PDE4D: variants seen among roughly 807,000 people sequenced by gnomAD.
PDE4D encodes the protein phosphodiesterase 4D.
In PDE4D, 24 loss-of-function variants were observed where a neutral mutation model predicts 87.4. The observed-to-expected ratio is 0.27, with a 90% CI of 0.20 to 0.39. PDE4D has a LOEUF of 0.39. PDE4D is among the 10% of genes least tolerant of loss of function. PDE4D has a pLI of 1.00. For synonymous variants in PDE4D, 384 were observed against 383.2 expected, an observed-to-expected ratio of 1.00 and a Z score of -0.02; for missense variants, 714 against 1,041.0, an observed-to-expected ratio of 0.69 and a Z score of 4.32.
rs148533821 is a variant in PDE4D at position 59,556,400 on chromosome 5, A to T, written c.455+336768T>A. Among the ~76,000 whole-genome samples the T allele has an allele frequency of 4.2e-3, 639 of 152,304 alleles. 9 individuals are homozygous for T. Among genetic ancestry groups the T allele is most frequent in the African/African-American group, 0.015 (603 of 41,578 alleles). ...GCAACCCTAAGAGACACACACATTT[A>T]GTACTGAAATATTAGAGTGGAGAGA... On this transcript the variant is annotated intron_variant, in intron 1 of 14. Coordinates refer to ENST00000340635, the MANE Select transcript of PDE4D (RefSeq NM_001104631.2).
chr5:60,302,323 C>T (rs931367224), intron 1 of PDE4D, among the ~76,000 whole-genome samples: 2 of 152,056 alleles, frequency 1.3e-5, no homozygotes, highest in African/African-American at 2.4e-5. Flanking sequence ...TAGTAGGTTA[C>T]TTACTACTGT....
At chr5:59,617,223 T>C (rs298016) in intron 1 of PDE4D, among the ~76,000 whole-genome samples, 131,148 of 151,718 alleles carry the variant, frequency 0.86, 56,739 homozygotes, top group South Asian at 0.93. Flanking sequence ...TCCTCCATCT[T>C]CAACCTTGAA....
intron 6 of PDE4D, among the ~76,000 whole-genome samples, chr5:59,016,510 A>G (rs1354365240): frequency 6.6e-6 from 1 of 151,226 alleles, no homozygotes; most frequent in Non-Finnish European, 1.5e-5. Flanking sequence ...ATTTCCTAGA[A>G]TGTGTTGTAA....
intron 5 of PDE4D, among the ~76,000 whole-genome samples, chr5:59,068,698 A>G (rs927288993): frequency 6.6e-5 from 10 of 152,194 alleles, no homozygotes; most frequent in African/African-American, 2.4e-4. Context: ...TCAATAGGTA[A>G]TGTAGTTTTT....
chr5:59,718,113 A>G (rs1755286268), intron 1 of PDE4D, among the ~76,000 whole-genome samples: 1 of 152,094 alleles, frequency 6.6e-6, no homozygotes, highest in South Asian at 2.1e-4. Context: ...CTCCAATTAC[A>G]CTATTCCCAG....
At chr5:60,060,926 T>C (rs1387195481) in intron 2 of PDE4D, among the ~76,000 whole-genome samples, 1 of 152,076 alleles carries the variant, frequency 6.6e-6, no homozygotes, top group Admixed American at 6.6e-5. Context: ...TGATGGAACA[T>C]TTCCCAAAGT....
chr5:60,316,787 T>G (rs1755649854), intron 1 of PDE4D, among the ~76,000 whole-genome samples: 1 of 152,210 alleles, frequency 6.6e-6, no homozygotes, highest in African/African-American at 2.4e-5. Context: ...TGCTGGATTA[T>G]GTTTACTGAT....
At chr5:59,590,162 TAGAA>T (rs1033067888) in intron 1 of PDE4D, among the ~76,000 whole-genome samples, 4 of 152,186 alleles carry the variant, frequency 2.6e-5, no homozygotes, top group Non-Finnish European at 4.4e-5. Context: ...CCATTTATAT[TAGAA>T]AGAGGGTCTT....
At chr5:60,069,622 T>C (rs1181711495) in intron 2 of PDE4D, among the ~76,000 whole-genome samples, 1 of 152,182 alleles carries the variant, frequency 6.6e-6, no homozygotes. Context: ...GGAAATGTGA[T>C]GTCTCTAGCT....
intron 1 of PDE4D, among the ~76,000 whole-genome samples, chr5:59,339,736 G>A (rs1007752226): frequency 5.3e-5 from 8 of 152,138 alleles, no homozygotes; most frequent in African/African-American, 1.7e-4. Context: ...TTGAGAGAAT[G>A]ATTGAAGCAC....
intron 2 of PDE4D, among the ~76,000 whole-genome samples, chr5:60,125,908 C>T (rs1457471281): frequency 6.6e-6 from 1 of 152,042 alleles, no homozygotes; most frequent in Non-Finnish European, 1.5e-5. Flanking sequence ...GACCGTCTTC[C>T]TAAATAAGAA....
chr5:60,442,334 A>T (rs1396737476), intron 1 of PDE4D, among the ~76,000 whole-genome samples: 1 of 152,044 alleles, frequency 6.6e-6, no homozygotes, highest in African/African-American at 2.4e-5. Flanking sequence ...ACAAACTAAC[A>T]TAAGAACAGA....
intron 1 of PDE4D, among the ~76,000 whole-genome samples, chr5:60,323,092 C>A (rs1057210363): frequency 5.9e-5 from 9 of 152,130 alleles, no homozygotes; most frequent in Non-Finnish European, 1.3e-4. Flanking sequence ...TGGTTCCAGA[C>A]TCTCCTTTCT....
intron 1 of PDE4D, among the ~76,000 whole-genome samples, chr5:60,216,257 G>A (rs1002556538): frequency 2.6e-5 from 4 of 152,110 alleles, no homozygotes; most frequent in Non-Finnish European, 2.9e-5. Flanking sequence ...GGCCTGCAGT[G>A]ATCCTCTATA....
intron 1 of PDE4D, among the ~76,000 whole-genome samples, chr5:60,188,624 G>T (rs1034306696): frequency 3.3e-5 from 5 of 152,002 alleles, no homozygotes; most frequent in African/African-American, 1.2e-4. Context: ...TGGTAGATGT[G>T]CTCTGCAGTC....
intron 5 of PDE4D, among the ~76,000 whole-genome samples, chr5:59,165,431 G>A (rs1266760615): frequency 6.6e-6 from 1 of 151,910 alleles, no homozygotes; most frequent in African/African-American, 2.4e-5. Flanking sequence ...GCAACACCAT[G>A]TCTGGCTAAT....
chr5:59,196,031 T>TGAGA (rs141137629), intron 2 of PDE4D, among the ~76,000 whole-genome samples: 155 of 148,636 alleles, frequency 1.0e-3, no homozygotes, highest in African/African-American at 3.4e-3. Flanking sequence ...CAGTGGTAGT[T>TGAGA]GAGAGAGAGA....
chr5:59,199,029 C>T (rs895894331), intron 2 of PDE4D, among the ~76,000 whole-genome samples: 1 of 152,164 alleles, frequency 6.6e-6, no homozygotes, highest in African/African-American at 2.4e-5. Flanking sequence ...CAATCTTTAT[C>T]TGTTTTACTA....
chr5:60,039,252 C>T (rs1220189947), intron 2 of PDE4D, among the ~76,000 whole-genome samples: 1 of 152,064 alleles, frequency 6.6e-6, no homozygotes, highest in African/African-American at 2.4e-5. Flanking sequence ...CAATACTATG[C>T]AGCCATAAAA....
Sources: allele counts gnomAD v4.1 joint callset (sites outside exome capture counted in the v4.1 genomes callset), GRCh38; gene constraint gnomAD v4.1.1; transcripts MANE v1.5; gene names NCBI Gene and HGNC (gene_info 2026-07-23, HGNC 2026-07-21).